NUDCD3: variants seen among roughly 807,000 people sequenced by gnomAD.
The protein encoded by NUDCD3 is NudC domain containing 3.
NUDCD3 carries 13 observed loss-of-function variants against 39.7 expected under a neutral mutation model. That is an observed-to-expected ratio of 0.33 (90% CI 0.21 to 0.52). The LOEUF (loss-of-function observed/expected upper bound fraction) is 0.52. Among genes scored for constraint, NUDCD3 ranks in the 20% least tolerant of loss-of-function variants. The pLI is 0.96. For missense variants in NUDCD3, 453 were observed against 458.1 expected, an observed-to-expected ratio of 0.99 and a Z score of 0.10; for synonymous variants, 175 against 172.4, an observed-to-expected ratio of 1.02 and a Z score of -0.12.
At chr7:44,470,956 G>A (rs1800244026) in intron 2 of NUDCD3, among the ~76,000 whole-genome samples, 1 of 152,216 alleles carries the variant, frequency 6.6e-6, no homozygotes, top group African/African-American at 2.4e-5. Flanking sequence ...CATGAGATAT[G>A]TTAAAATTCA....
At position 44,384,807 on chromosome 7, in the gene NUDCD3, C is replaced by T. The variant is rs1000272230; in HGVS notation, c.*1204G>A. 6.6e-6 allele frequency: 1 copy of T among 152,260 alleles called. No individual in the cohort carries two copies. The highest frequency in any genetic ancestry group is 2.4e-5 in the African/African-American group (1 of 41,454). The allele number at this position is 152,260 out of a possible 1,614,324, so 9.4% of individuals were successfully genotyped here. On this transcript the variant is annotated 3_prime_UTR_variant, in exon 6 of 6. Transcript: ENST00000355451. ...AACCATACTCCCGGCGATGGGCACC[C>T]AGAGCCCCTGTGAGTACTTGGAACA...
chr7:44,397,478 G>A (rs886957273), intron 4 of NUDCD3, among the ~76,000 whole-genome samples: 1 of 152,164 alleles, frequency 6.6e-6, no homozygotes, highest in African/African-American at 2.4e-5. Context: ...TTAGCGCTTG[G>A]TGCTGTCTGC....
intron 2 of NUDCD3, among the ~76,000 whole-genome samples, chr7:44,448,109 T>C (rs1799720288): frequency 6.6e-6 from 1 of 152,158 alleles, no homozygotes; most frequent in South Asian, 2.1e-4. Flanking sequence ...TTCCTGATAC[T>C]CACTGGCATG....
chr7:44,461,391 T>C (rs1034602263), intron 2 of NUDCD3, among the ~76,000 whole-genome samples: 1 of 152,062 alleles, frequency 6.6e-6, no homozygotes, highest in African/African-American at 2.4e-5. Flanking sequence ...CACATATACA[T>C]GGGATGGGAG....
chr7:44,478,544 A>T (rs1247252083), intron 2 of NUDCD3, among the ~76,000 whole-genome samples: 1 of 152,126 alleles, frequency 6.6e-6, no homozygotes, highest in Non-Finnish European at 1.5e-5. Flanking sequence ...CAAGAGCAAA[A>T]CTCCGTCTAA....
chr7:44,474,933 A>G (rs1171425396), intron 2 of NUDCD3, among the ~76,000 whole-genome samples: 2 of 152,148 alleles, frequency 1.3e-5, no homozygotes, highest in African/African-American at 4.8e-5. Flanking sequence ...CTAAGGCTCA[A>G]TCCCCAGGTG....
chr7:44,379,264 G>GCAA lies in NUDCD3; in HGVS notation c.*6744_*6746dup, dbSNP rs896865289. ...GCCCAGAGGTTTGAGTCCAGTCTGG[G>GCAA]CAACACAGGAAAAACTCTGTCTCAA... On this transcript the variant is annotated 3_prime_UTR_variant, in exon 6 of 6. Transcript: ENST00000355451. The GCAA allele has an allele frequency of 7.3e-5, 11 of 150,968 alleles. No individual in the cohort carries two copies. The highest frequency in any genetic ancestry group is 1.5e-4 in the Non-Finnish European group (10 of 67,902). The allele number at this position is 150,968 out of a possible 1,614,324, so 9.4% of individuals were successfully genotyped here. A position where few individuals can be genotyped will look rare whatever the true frequency, so the allele number is the denominator to read the frequency against.
intron 1 of NUDCD3, chr7:44,490,140 G>A (rs555851360): frequency 6.2e-5 from 24 of 387,996 alleles, no homozygotes; most frequent in African/African-American, 4.9e-4. Context: ...CCCCAGCACC[G>A]TGAGGGGTAC....
chr7:44,487,922 C>T (rs1393026684), intron 1 of NUDCD3, among the ~76,000 whole-genome samples: 2 of 151,444 alleles, frequency 1.3e-5, no homozygotes, highest in Non-Finnish European at 2.9e-5. Context: ...CACTGCACTC[C>T]AGCCTGGACA....
At chr7:44,406,408 C>A (rs910462233) in intron 3 of NUDCD3, among the ~76,000 whole-genome samples, 2 of 152,208 alleles carry the variant, frequency 1.3e-5, no homozygotes, top group Admixed American at 1.3e-4. Flanking sequence ...AACAACAGAT[C>A]CACTCACTCC....
Position 44,488,989 on chromosome 7 carries a change from TCC to T in NUDCD3, c.192+1418_192+1419del, listed in dbSNP as rs1484176062. On this transcript the variant is annotated intron_variant, in intron 1 of 5. Coordinates refer to ENST00000355451, the MANE Select transcript of NUDCD3 (RefSeq NM_015332.4). Reference sequence around the variant, plus strand: ...TTACTCAGTATATACTCCTTTCTCCTCCACATCTTTCTGCAAACTACAATCAA... The same window carrying T: ...TTACTCAGTATATACTCCTTTCTCCTACATCTTTCTGCAAACTACAATCAA... Among the ~76,000 whole-genome samples the T allele has an allele frequency of 8.9e-4, 136 of 152,332 alleles. 1 individual carries two copies. Among genetic ancestry groups the T allele is most frequent in the African/African-American group, 3.0e-3 (126 of 41,574 alleles).
At chr7:44,436,558 T>C (rs1397725737) in intron 2 of NUDCD3, among the ~76,000 whole-genome samples, 3 of 152,192 alleles carry the variant, frequency 2.0e-5, no homozygotes, top group Non-Finnish European at 4.4e-5. Flanking sequence ...TGGGTCATGC[T>C]ACAGAACTAC....
chr7:44,464,367 T>C (rs1800078789), intron 2 of NUDCD3, among the ~76,000 whole-genome samples: 1 of 152,154 alleles, frequency 6.6e-6, no homozygotes, highest in Non-Finnish European at 1.5e-5. Context: ...GTTTTTTTCA[T>C]TTCACGGCCT....
chr7:44,447,465 C>T (rs1418760583), intron 2 of NUDCD3, among the ~76,000 whole-genome samples: 3 of 152,176 alleles, frequency 2.0e-5, no homozygotes, highest in Non-Finnish European at 4.4e-5. Context: ...TCCCCTATGA[C>T]TAGATTAAGG....
At chr7:44,473,988 G>T (rs920277338) in intron 2 of NUDCD3, among the ~76,000 whole-genome samples, 1 of 152,140 alleles carries the variant, frequency 6.6e-6, no homozygotes. Flanking sequence ...TTAAACAGTG[G>T]CTGAAAATAT....
At chr7:44,422,007 TG>T (rs1195810265) in intron 3 of NUDCD3, among the ~76,000 whole-genome samples, 9 of 152,118 alleles carry the variant, frequency 5.9e-5, no homozygotes. Flanking sequence ...CACAACTACA[TG>T]AAAACTGAAC....
At chr7:44,433,756 T>C (rs1799414384) in intron 2 of NUDCD3, among the ~76,000 whole-genome samples, 1 of 152,180 alleles carries the variant, frequency 6.6e-6, no homozygotes, top group African/African-American at 2.4e-5. Flanking sequence ...TGGCTGCGTC[T>C]CTTCTCAGTT....
rs975360489 is a variant in NUDCD3 at position 44,380,656 on chromosome 7, G to C, written c.*5355C>G. 7.2e-5 allele frequency: 11 copies of C among 152,260 alleles called. No individual in the cohort carries two copies. Among genetic ancestry groups the C allele is most frequent in the Non-Finnish European group, 1.6e-4 (11 of 68,080 alleles). The allele number at this position is 152,260 out of a possible 1,614,324, so 9.4% of individuals were successfully genotyped here. On this transcript the variant is annotated 3_prime_UTR_variant, in exon 6 of 6. Transcript: ENST00000355451. ...TCATTAGTACCCACAAGCAATCACT[G>C]TTGAGTTCATGAACTCTCAGGCTGG... is the stretch of plus-strand genomic sequence containing the variant.
intron 2 of NUDCD3, among the ~76,000 whole-genome samples, chr7:44,430,416 G>C (rs1470218719): frequency 2.6e-5 from 4 of 152,124 alleles, no homozygotes; most frequent in African/African-American, 9.7e-5. Flanking sequence ...AACATGCAGA[G>C]AATATCTCCA....
Sources: gnomAD v4.1 joint callset for allele counts (sites outside exome capture counted in the v4.1 genomes callset) on GRCh38, gnomAD v4.1.1 for gene constraint, MANE v1.5 for transcripts, NCBI Gene and HGNC (gene_info 2026-07-23, HGNC 2026-07-21) for gene names.